The following RAD21L1 variants were observed in gnomAD, a reference collection of about 807,000 sequenced individuals.
RAD21L1 encodes the protein double-strand-break repair protein rad21-like protein 1.
In RAD21L1, 47 loss-of-function variants were observed where a neutral mutation model predicts 69.0. The ratio of observed to expected loss-of-function variants is 0.68; its 90% CI spans 0.54 to 0.87. The LOEUF (loss-of-function observed/expected upper bound fraction) is 0.87. Ranked by LOEUF, RAD21L1 falls within the 40% of genes least tolerant of loss-of-function variation. The pLI is 0.00. For synonymous variants in RAD21L1, 177 were observed against 205.8 expected, an observed-to-expected ratio of 0.86 and a Z score of 1.20; for missense variants, 583 against 647.6, an observed-to-expected ratio of 0.90 and a Z score of 1.08.
rs374861795 is a variant in RAD21L1, at chr20:1,243,956, T to A, written c.1184-90T>A. The A allele has an allele frequency of 9.6e-5, 109 of 1,133,354 alleles. 1 individual carries two copies. The African/African-American group carries it at 1.5e-3, about 15-fold the overall frequency. The allele number at this position is 1,133,354 out of a possible 1,614,324, so 70.2% of individuals were successfully genotyped here. A position where few individuals can be genotyped will look rare whatever the true frequency, so the allele number is the denominator to read the frequency against. On this transcript the variant is annotated intron_variant, in intron 10 of 13. Transcript: ENST00000683101. ...TTAAATTCTTGGATCCCAACATGTCTGTCAGAAGTTTTCTTTTGTTACAAC... is the reference window on the plus strand; with the variant it reads ...TTAAATTCTTGGATCCCAACATGTCAGTCAGAAGTTTTCTTTTGTTACAAC...
At chr20:1,248,727 C>G in intron 13 of RAD21L1, 24 bp downstream of exon 13, 1 of 1,322,556 alleles carries the variant, frequency 7.6e-7, no homozygotes, top group East Asian at 2.6e-5. Context: ...GTTTGTCAAC[C>G]CTGTTTTTAT....
rs1000632600 is a variant in RAD21L1, at chr20:1,230,722, ATCT to A, written c.274+719_274+721del. 9.1e-5 allele frequency: 50 copies of A among 549,012 alleles called. No individual in the cohort carries two copies. The South Asian group carries it at 3.5e-3, about 38-fold the overall frequency. The allele number at this position is 549,012 out of a possible 1,614,324, so 34.0% of individuals were successfully genotyped here. On this transcript the variant is annotated intron_variant, in intron 3 of 13. Transcript: ENST00000683101. ...AATCAGGATTGACAGATTTTTTTTA[ATCT>A]TCTTCATTTAAAATATTCATATAAT...
intron 6 of RAD21L1, among the ~76,000 whole-genome samples, chr20:1,238,616 A>C (rs1251762302): frequency 6.6e-6 from 1 of 151,970 alleles, no homozygotes; most frequent in African/African-American, 2.4e-5. Flanking sequence ...TTATATTTAT[A>C]TTCCCCTGCT....
chr20:1,247,653 A>G (rs959183492), intron 12 of RAD21L1, among the ~76,000 whole-genome samples: 3 of 152,154 alleles, frequency 2.0e-5, no homozygotes, highest in Non-Finnish European at 4.4e-5. Context: ...TTAGTCAAAG[A>G]GTCCCTTTAG....
intron 10 of RAD21L1, 102 bp from the exon 11 acceptor site, chr20:1,243,944 T>A (rs1313732333): frequency 1.0e-6 from 1 of 1,002,664 alleles, no homozygotes; most frequent in Non-Finnish European, 1.5e-6. Context: ...AATTCTTGGA[T>A]CCCAACATGT....
intron 1 of RAD21L1, among the ~76,000 whole-genome samples, chr20:1,227,767 T>C (rs2087295893): frequency 6.6e-6 from 1 of 152,204 alleles, no homozygotes; most frequent in African/African-American, 2.4e-5. Flanking sequence ...TTTCAAAACA[T>C]TTAAATTTGA....
chr20:1,254,209 G>T (rs1042522594), intron 13 of RAD21L1, 60 bp from the exon 14 acceptor site: 4 of 1,169,154 alleles, frequency 3.4e-6, no homozygotes, highest in African/African-American at 1.6e-5. Context: ...ATTTATAGCC[G>T]GCTTTACTTC....
rs866051394 is a variant in RAD21L1 at position 1,235,787 on chromosome 20, A to T, written c.475+1596A>T. Among the ~76,000 whole-genome samples the T allele has an allele frequency of 2.2e-3, 329 of 149,266 alleles. 1 individual carries two copies. Among genetic ancestry groups the T allele is most frequent in the African/African-American group, 7.7e-3 (312 of 40,314 alleles). ...TTTAGGATCACTTTTTTTTTTTTTT[A>T]AATGGGGTCTTGTTCTGTCACCCAG... On this transcript the variant is annotated intron_variant, in intron 5 of 13. Transcript: ENST00000683101.
In RAD21L1 at chr20:1,239,354, T is replaced by A. The variant is rs950200001; in HGVS notation, c.689T>A (p.Met230Lys). Residue 230 changes from methionine (M) to lysine (K), a missense_variant, in exon 7 of 14, where the codon ATG (methionine) becomes AAG (lysine). Transcript: ENST00000683101. ...QDDQNILLED[M>K]HLNREISLPS... Reference sequence around the variant, plus strand: ...GATCAGAATATCCTGTTAGAAGACATGCATTTGAACAGAGAAATTTCCCTG... The same window carrying A: ...GATCAGAATATCCTGTTAGAAGACAAGCATTTGAACAGAGAAATTTCCCTG... The A allele has an allele frequency of 7.7e-6, 12 of 1,550,172 alleles. No homozygotes were observed. The highest frequency in any genetic ancestry group is 2.7e-5 in the African/African-American group (2 of 73,006).
intron 2 of RAD21L1, among the ~76,000 whole-genome samples, chr20:1,229,400 A>C (rs1389661606): frequency 2.0e-5 from 3 of 152,214 alleles, no homozygotes; most frequent in African/African-American, 2.4e-5. Flanking sequence ...AGTATATAAT[A>C]AATTGTAGGG....
intron 4 of RAD21L1, 136 bp from the exon 5 acceptor site, chr20:1,233,949 A>G (rs2087445102): frequency 7.5e-6 from 4 of 534,354 alleles, no homozygotes; most frequent in Middle Eastern, 1.0e-3. Flanking sequence ...ACATGTATAT[A>G]TAATAAACTA....
chr20:1,236,684 C>T (rs904826853), intron 5 of RAD21L1, among the ~76,000 whole-genome samples: 18 of 152,228 alleles, frequency 1.2e-4, no homozygotes, highest in Non-Finnish European at 1.6e-4. Context: ...CTAACAACAT[C>T]ATAGGGTTAT....
At chr20:1,245,710 T>C (rs1406223568) in intron 11 of RAD21L1, among the ~76,000 whole-genome samples, 2 of 152,156 alleles carry the variant, frequency 1.3e-5, no homozygotes, top group Non-Finnish European at 2.9e-5. Context: ...TCTTCCCTTT[T>C]GCCCGTGACA....
At chr20:1,245,112 G>A (rs972309028) in intron 11 of RAD21L1, among the ~76,000 whole-genome samples, 1 of 152,156 alleles carries the variant, frequency 6.6e-6, no homozygotes, top group Admixed American at 6.6e-5. Context: ...TAACAAGATA[G>A]ATTGTCCCAT....
At chr20:1,239,442 G>T (rs1363809072) in intron 7 of RAD21L1, 35 bp downstream of exon 7, 21 of 1,113,968 alleles carry the variant, frequency 1.9e-5, no homozygotes, top group Non-Finnish European at 2.4e-5. Context: ...GAAAGTAATG[G>T]GTTACTAATG....
At chr20:1,248,400 C>T (rs1055820029) in intron 12 of RAD21L1, among the ~76,000 whole-genome samples, 1 of 152,082 alleles carries the variant, frequency 6.6e-6, no homozygotes, top group Admixed American at 6.6e-5. Context: ...TTTGGAGCCT[C>T]TTATCAGAAG....
chr20:1,229,815 C>G (rs1347983842), intron 2 of RAD21L1, 65 bp from the exon 3 acceptor site: 13 of 1,253,480 alleles, frequency 1.0e-5, no homozygotes, highest in Non-Finnish European at 1.2e-5. Context: ...ATGTCAGTAA[C>G]TTTCAAAGAA....
At chr20:1,230,098 A>G (rs1480027072) in intron 3 of RAD21L1, 89 bp downstream of exon 3, 1 of 913,776 alleles carries the variant, frequency 1.1e-6, no homozygotes, top group East Asian at 2.7e-5. Context: ...TCAGGCTAGT[A>G]TGGTGAATGT....
In RAD21L1 at chr20:1,255,559, G is replaced by T. The variant is rs943724854; in HGVS notation, c.*1102G>T. On this transcript the variant is annotated 3_prime_UTR_variant, in exon 14 of 14. Coordinates refer to ENST00000683101, the MANE Select transcript of RAD21L1 (RefSeq NM_001384355.1). ...ACTATAAATTTTAAATGGCAAAATT[G>T]CCTTTTTAAAATTTCTTTTATTTTT... 5.9e-5 allele frequency among the ~76,000 whole-genome samples: 9 copies of T among 152,102 alleles called. No homozygotes were observed. Among genetic ancestry groups the T allele is most frequent in the African/African-American group, 2.2e-4 (9 of 41,418 alleles).
Sources: allele counts gnomAD v4.1 joint callset (sites outside exome capture counted in the v4.1 genomes callset), GRCh38; gene constraint gnomAD v4.1.1; transcripts MANE v1.5; gene names NCBI Gene and HGNC (gene_info 2026-07-23, HGNC 2026-07-21).